Variants in SULF1 observed in about 807,000 individuals in gnomAD.
SULF1 encodes sulfatase 1.
Under a neutral mutation model 110.5 loss-of-function variants are expected in SULF1, and 46 were observed. The ratio of observed to expected loss-of-function variants is 0.42; its 90% confidence interval spans 0.33 to 0.53. The LOEUF (loss-of-function observed/expected upper bound fraction) is 0.53. SULF1 is among the 20% of genes least tolerant of loss of function. The probability of loss-of-function intolerance (pLI) is 0.12; values close to 1 mark genes in which losing one functional copy is unlikely to be tolerated. For synonymous variants in SULF1, 371 were observed against 387.1 expected (o/e 0.96, Z 0.49); for missense variants, 941 against 1,094.2 (o/e 0.86, Z 1.98).
chr8:69,500,378 A>C (rs1400360396), intron 2 of SULF1, among the ~76,000 whole-genome samples: 2 of 152,210 alleles, frequency 1.3e-5, no homozygotes, highest in Admixed American at 6.5e-5. Context: ...AATGTGCTCA[A>C]GGCCACATAG....
chr8:69,549,773 T>C (rs1814560999), intron 3 of SULF1, among the ~76,000 whole-genome samples: 2 of 152,152 alleles, frequency 1.3e-5, no homozygotes, highest in Admixed American at 1.3e-4. Context: ...CACCAAGGAT[T>C]AATTAATCAT....
At chr8:69,487,271 G>T (rs920933672) in intron 1 of SULF1, among the ~76,000 whole-genome samples, 1 of 152,184 alleles carries the variant, frequency 6.6e-6, no homozygotes, top group Non-Finnish European at 1.5e-5. Flanking sequence ...TCATAAAGAT[G>T]CCTGTCATTA....
At chr8:69,609,298 A>C (rs921992176) in intron 13 of SULF1, among the ~76,000 whole-genome samples, 1 of 152,210 alleles carries the variant, frequency 6.6e-6, no homozygotes, top group Admixed American at 6.5e-5. Flanking sequence ...GTGAGCCGTG[A>C]TCGTGCCACT....
intron 2 of SULF1, among the ~76,000 whole-genome samples, chr8:69,501,225 G>A (rs772974761): frequency 6.6e-6 from 1 of 152,026 alleles, no homozygotes. Flanking sequence ...CTTATATTAT[G>A]TTCTCTTTTA....
chr8:69,506,119 C>T (rs1477259234), intron 3 of SULF1, among the ~76,000 whole-genome samples: 4 of 152,102 alleles, frequency 2.6e-5, no homozygotes, highest in Non-Finnish European at 5.9e-5. Flanking sequence ...ACGGTTCATA[C>T]AATTTCTGCA....
chr8:69,517,064 A>G (rs925807127), intron 3 of SULF1, among the ~76,000 whole-genome samples: 1 of 152,208 alleles, frequency 6.6e-6, no homozygotes, highest in South Asian at 2.1e-4. Flanking sequence ...AAAAGGGTTT[A>G]CTTGACTCAT....
At chr8:69,579,221 G>T (rs1805876582) in intron 6 of SULF1, among the ~76,000 whole-genome samples, 1 of 149,772 alleles carries the variant, frequency 6.7e-6, no homozygotes, top group Admixed American at 6.7e-5. Context: ...ATGGGCTCAG[G>T]AAAACAAATC....
chr8:69,595,130 T>TA (rs1241932978), intron 8 of SULF1, among the ~76,000 whole-genome samples: 1 of 152,240 alleles, frequency 6.6e-6, no homozygotes, highest in Admixed American at 6.5e-5. Context: ...CACCTAGAGA[T>TA]ACTACAATTC....
At chr8:69,564,934 T>C (rs1176509144) in intron 5 of SULF1, among the ~76,000 whole-genome samples, 2 of 152,220 alleles carry the variant, frequency 1.3e-5, no homozygotes, top group African/African-American at 4.8e-5. Context: ...AATTCCTTGC[T>C]CTCAGGCATC....
chr8:69,549,184 G>A (rs1003225831), intron 3 of SULF1, among the ~76,000 whole-genome samples: 6 of 152,230 alleles, frequency 3.9e-5, no homozygotes, highest in Non-Finnish European at 5.9e-5. Flanking sequence ...AAGAGCCACA[G>A]CTTGGAGCAG....
At chr8:69,468,769 C>G (rs1375966956) in intron 1 of SULF1, among the ~76,000 whole-genome samples, 2 of 152,190 alleles carry the variant, frequency 1.3e-5, no homozygotes, top group Non-Finnish European at 2.9e-5. Flanking sequence ...CCATTTTTCA[C>G]TACTGCAGAA....
intron 5 of SULF1, among the ~76,000 whole-genome samples, chr8:69,569,771 G>A (rs1805094247): frequency 6.6e-6 from 1 of 152,164 alleles, no homozygotes; most frequent in South Asian, 2.1e-4. Flanking sequence ...AGGAGGAAAT[G>A]ATGAGTCTTA....
At chr8:69,614,432 TAAAG>T (rs1808919266) in intron 13 of SULF1, among the ~76,000 whole-genome samples, 1 of 152,238 alleles carries the variant, frequency 6.6e-6, no homozygotes. Context: ...GAAAAATTCA[TAAAG>T]AGTGCTCTAG....
chr8:69,650,237 C>T (rs1392342403), intron 22 of SULF1, among the ~76,000 whole-genome samples: 8 of 151,688 alleles, frequency 5.3e-5, no homozygotes, highest in African/African-American at 1.7e-4. Flanking sequence ...TAGGCTCAAG[C>T]GATTCTCCCA....
At chr8:69,485,254 A>G (rs1461558180) in intron 1 of SULF1, among the ~76,000 whole-genome samples, 1 of 152,082 alleles carries the variant, frequency 6.6e-6, no homozygotes, top group East Asian at 1.9e-4. Flanking sequence ...ACATTTACCT[A>G]CCGCCCTTCC....
At chr8:69,640,023 T>C (rs1811337370) in intron 21 of SULF1, among the ~76,000 whole-genome samples, 1 of 151,858 alleles carries the variant, frequency 6.6e-6, no homozygotes, top group Non-Finnish European at 1.5e-5. Context: ...CTCAAATCTT[T>C]TCAAATATCC....
At chr8:69,632,583 A>G (rs1810661179) in intron 19 of SULF1, among the ~76,000 whole-genome samples, 8 of 152,114 alleles carry the variant, frequency 5.3e-5, no homozygotes, top group Admixed American at 5.2e-4. Context: ...AAGAAAAGAA[A>G]AGTCAAATCC....
At chr8:69,656,234 G>A (rs577827666) in intron 22 of SULF1, among the ~76,000 whole-genome samples, 1 of 152,250 alleles carries the variant, frequency 6.6e-6, no homozygotes, top group East Asian at 1.9e-4. Context: ...GCACTTTATA[G>A]TTTATTTCGC....
At chr8:69,596,251 C>T (rs1457003024) in intron 8 of SULF1, among the ~76,000 whole-genome samples, 2 of 152,128 alleles carry the variant, frequency 1.3e-5, no homozygotes, top group East Asian at 3.8e-4. Context: ...GGGTGAAGCC[C>T]TTATCTAACA....
Sources: allele counts gnomAD v4.1 joint callset (sites outside exome capture counted in the v4.1 genomes callset), GRCh38; gene constraint gnomAD v4.1.1; transcripts MANE v1.5; gene names NCBI Gene and HGNC (gene_info 2026-07-23, HGNC 2026-07-21).